The following SYT11 variants were observed in gnomAD, a reference collection of about 807,000 sequenced individuals.
SYT11 encodes synaptotagmin 11, also known as synaptotagmin-11.
In SYT11, 12 loss-of-function variants were observed where a neutral mutation model predicts 30.4. That is an observed-to-expected ratio of 0.39 (90% confidence interval 0.25 to 0.64). The LOEUF (loss-of-function observed/expected upper bound fraction) is 0.64, where lower values mean the gene tolerates loss of function less well. SYT11 is among the 30% of genes least tolerant of loss of function. SYT11 has a pLI of 0.45. For missense variants in SYT11, 412 were observed against 552.0 expected (o/e 0.75, Z 2.54); for synonymous variants, 204 against 216.0 (o/e 0.94, Z 0.49).
Position 155,868,455 on chromosome 1 carries a change from G to A in SYT11, c.525G>A (p.Val175=). ...VDYNFPKKAL[V]VTIQEAHGLP... ...ATAACTTCCCGAAAAAAGCCCTGGT[G>A]GTGACAATCCAGGAGGCCCATGGGC... Residue 175 remains valine, a synonymous_variant, in exon 2 of 4, where the codon GTG becomes GTA. Coordinates refer to ENST00000368324, the MANE Select transcript of SYT11 (RefSeq NM_152280.5). This position sits in a 1 kb window ranked among gnomAD's most constrained non-coding sequence, Gnocchi z 4.7. 3 of 1,614,116 alleles carry A rather than the reference G, an allele frequency of 1.9e-6. No homozygotes were observed. In the South Asian group the frequency reaches 3.3e-5, roughly 18 times the overall value.
Position 155,868,165 on chromosome 1 carries a change from C to A in SYT11, c.235C>A (p.Arg79=). 6.2e-7 allele frequency: 1 copy of A among 1,614,016 alleles called. No homozygotes were observed. Among genetic ancestry groups the A allele is most frequent in the African/African-American group, 1.3e-5 (1 of 74,976 alleles). ...CAACAAGAAGAAAATCATCAAAGTGCGGAGAGACAAAGATGGTCCTGGGAG... is the reference window on the plus strand; with the variant it reads ...CAACAAGAAGAAAATCATCAAAGTGAGGAGAGACAAAGATGGTCCTGGGAG... ...LSNKKKIIKV[R]RDKDGPGREG... The change falls in exon 2 of 4, where the codon CGG becomes AGG. Residue 79 remains arginine, a synonymous_variant. Transcript: ENST00000368324. The surrounding 1 kb of genome is among the most constrained non-coding windows in gnomAD (Gnocchi z 4.7).
rs1390826900 is a variant in SYT11, at chr1:155,882,187, G to C, written c.*679G>C. 6.6e-6 allele frequency: 1 copy of C among 152,172 alleles called. No homozygotes were observed. The allele number at this position is 152,172 out of a possible 1,614,324, so 9.4% of individuals were successfully genotyped here. The stretch of plus-strand genomic sequence containing the variant: ...TATCAAGTTGCAGATTTTAATCCAT[G>C]GAAATTGTGTTTTGTGCTGAATTGT... On this transcript the variant is annotated 3_prime_UTR_variant, in exon 4 of 4. Transcript: ENST00000368324.
intron 2 of SYT11, among the ~76,000 whole-genome samples, chr1:155,876,489 G>C (rs1445235564): frequency 6.6e-6 from 1 of 151,680 alleles, no homozygotes; most frequent in East Asian, 1.9e-4. Context: ...CTCGTGATCC[G>C]TCCGCCTCGG....
chr1:155,859,860 G>T, intron 1 of SYT11, 65 bp downstream of exon 1: 3 of 1,498,098 alleles, frequency 2.0e-6, no homozygotes, highest in Middle Eastern at 1.8e-4. Flanking sequence ...AGGGGGCCCA[G>T]CGGCAGGGCA....
At chr1:155,861,194 A>T (rs917468058) in intron 1 of SYT11, among the ~76,000 whole-genome samples, 4 of 152,226 alleles carry the variant, frequency 2.6e-5, no homozygotes, top group African/African-American at 9.6e-5. Context: ...GTTCTCACTT[A>T]TTCCACAAGG....
intron 2 of SYT11, among the ~76,000 whole-genome samples, chr1:155,878,470 C>T (rs767714234): frequency 6.6e-6 from 1 of 152,290 alleles, no homozygotes; most frequent in Non-Finnish European, 1.5e-5. Flanking sequence ...TTTGTACCAG[C>T]CATTTCTGTC....
At chr1:155,866,030 C>T (rs1487663497) in intron 1 of SYT11, among the ~76,000 whole-genome samples, 1 of 151,096 alleles carries the variant, frequency 6.6e-6, no homozygotes, top group Non-Finnish European at 1.5e-5. Flanking sequence ...AGCGAAGAAA[C>T]TTGAGGGTCC....
rs1483123483 is a variant in SYT11 at position 155,881,317 on chromosome 1, A to G, written c.1105A>G (p.Thr369Ala). ...TGAATCTTTCATCTACGACATCCCC[A>G]CTGACCTCCTGCCTGATATCAGCAT... ...FNESFIYDIP[T>A]DLLPDISIEF... Residue 369 changes from threonine (T) to alanine (A), a missense_variant, in exon 4 of 4, where the codon ACT (threonine) becomes GCT (alanine). By Grantham distance (58) the Thr-to-Ala change is moderately conservative (BLOSUM62 0). Transcript: ENST00000368324. 1.2e-6 allele frequency: 2 copies of G among 1,614,090 alleles called. No homozygotes were observed. The highest frequency in any genetic ancestry group is 1.7e-6 in the Non-Finnish European group (2 of 1,180,016).
Position 155,881,261 on chromosome 1 carries a change from TGAA to T in SYT11, c.1054_1056del (p.Lys352del), listed in dbSNP as rs745889888. On this transcript the variant is annotated inframe_deletion, in exon 4 of 4. Transcript: ENST00000368324. Reference sequence around the variant, plus strand: ...CGCATTGCCAAGAAGAAAACCCATGTGAAGAAGTGCACTTTGAACCCCATCTTC... The same window carrying T: ...CGCATTGCCAAGAAGAAAACCCATGTGAAGTGCACTTTGAACCCCATCTTC... The T allele has an allele frequency of 6.2e-7, 1 of 1,614,230 alleles. No individual in the cohort carries two copies.
intron 1 of SYT11, among the ~76,000 whole-genome samples, chr1:155,865,349 C>T (rs183396006): frequency 6.6e-5 from 10 of 152,140 alleles, no homozygotes; most frequent in Admixed American, 2.6e-4. Flanking sequence ...TGCTTTAGGC[C>T]GGGCGCGGTG....
At position 155,868,449 on chromosome 1, in the gene SYT11, C is replaced by G. The variant is rs1672724140; in HGVS notation, c.519C>G (p.Ala173=). The change falls in exon 2 of 4, where the codon GCC becomes GCG. Residue 173 remains alanine, a synonymous_variant. Transcript: ENST00000368324. This position sits in a 1 kb window ranked among gnomAD's most constrained non-coding sequence, Gnocchi z 4.7. ...TGGACTATAACTTCCCGAAAAAAGC[C>G]CTGGTGGTGACAATCCAGGAGGCCC... The part of the protein sequence containing the change: ...FSVDYNFPKK[A]LVVTIQEAHG... 4 of 1,614,142 alleles carry G rather than the reference C, an allele frequency of 2.5e-6. No individual in the cohort carries two copies. The highest frequency in any genetic ancestry group is 3.4e-6 in the Non-Finnish European group (4 of 1,180,026).
intron 2 of SYT11, among the ~76,000 whole-genome samples, chr1:155,872,001 G>C (rs1672787875): frequency 6.6e-6 from 1 of 151,948 alleles, no homozygotes; most frequent in African/African-American, 2.4e-5. Flanking sequence ...GCTTTTTCCT[G>C]GTCTGGATTA....
chr1:155,867,419 A>C (rs1437386926), intron 1 of SYT11, among the ~76,000 whole-genome samples: 1 of 152,162 alleles, frequency 6.6e-6, no homozygotes, highest in Non-Finnish European at 1.5e-5. Flanking sequence ...ACATAAACCC[A>C]GAATTCTTCC....
chr1:155,867,976 G>A lies in SYT11; in HGVS notation c.46G>A (p.Val16Met), dbSNP rs773398731. ...ATCTCCGCCTTCAGATGTGTCACCG[G>A]TGGTGGCCGGCCTCATCGGGGCCTC... The part of the protein sequence containing the change: ...NIRPSFDVSP[V>M]VAGLIGASVL... Residue 16 changes from valine to methionine, a missense_variant, in exon 2 of 4, where the codon GTG becomes ATG. Coordinates refer to ENST00000368324, the MANE Select transcript of SYT11 (RefSeq NM_152280.5). The A allele has an allele frequency of 9.3e-6, 15 of 1,609,020 alleles. No homozygotes were observed. Among genetic ancestry groups the A allele is most frequent in the African/African-American group, 4.0e-5 (3 of 74,704 alleles).
chr1:155,863,877 C>T (rs915544714), intron 1 of SYT11, among the ~76,000 whole-genome samples: 4 of 149,982 alleles, frequency 2.7e-5, no homozygotes, highest in Admixed American at 6.7e-5. Flanking sequence ...GCCGAGATCG[C>T]GCCATTGCAC....
chr1:155,872,558 G>A (rs762663913), intron 2 of SYT11, among the ~76,000 whole-genome samples: 2 of 152,144 alleles, frequency 1.3e-5, no homozygotes, highest in Non-Finnish European at 2.9e-5. Context: ...GCCGAGCCCC[G>A]CAGCTCTGTC....
intron 2 of SYT11, among the ~76,000 whole-genome samples, chr1:155,871,025 G>A (rs940056576): frequency 6.6e-6 from 1 of 152,196 alleles, no homozygotes; most frequent in Non-Finnish European, 1.5e-5. Flanking sequence ...CCTAATACAA[G>A]GGCTCCTTGG....
At position 155,860,931 on chromosome 1, in the gene SYT11, T is replaced by C. The variant is rs996710586; in HGVS notation, c.34+1136T>C. On this transcript the variant is annotated intron_variant, in intron 1 of 3. Coordinates refer to ENST00000368324, the MANE Select transcript of SYT11 (RefSeq NM_152280.5). This position sits in a 1 kb window ranked among gnomAD's most constrained non-coding sequence, Gnocchi z 4.1. ...ATTCAGTTTAGATGGGGGAAGCCAGTGAGAGTTGCTGCCAAAGAACCTTCT... is the reference window on the plus strand; with the variant it reads ...ATTCAGTTTAGATGGGGGAAGCCAGCGAGAGTTGCTGCCAAAGAACCTTCT... Among the ~76,000 whole-genome samples the C allele has an allele frequency of 3.9e-5, 6 of 152,144 alleles. No homozygotes were observed. The highest frequency in any genetic ancestry group is 1.4e-4 in the African/African-American group (6 of 41,452).
At chr1:155,867,881 C>T (rs1402816206) in intron 1 of SYT11, 84 bp from the exon 2 acceptor site, 2 of 1,055,328 alleles carry the variant, frequency 1.9e-6, no homozygotes, top group Non-Finnish European at 2.7e-6. Flanking sequence ...ATTAGCTTGG[C>T]TCCAGCAGTG....
Sources: gnomAD v4.1 joint callset for allele counts (sites outside exome capture counted in the v4.1 genomes callset) on GRCh38, gnomAD v4.1.1 for gene constraint, Gnocchi (gnomAD v3.1) non-coding constraint, MANE v1.5 for transcripts, NCBI Gene and HGNC (gene_info 2026-07-23, HGNC 2026-07-21) for gene names.